SAMHD1: variants seen among roughly 807,000 people sequenced by gnomAD.
SAMHD1 encodes the protein deoxynucleoside triphosphate triphosphohydrolase SAMHD1.
In SAMHD1, 54 loss-of-function variants were observed where a neutral mutation model predicts 79.6. The observed-to-expected ratio is 0.68, with a 90% CI of 0.55 to 0.85. SAMHD1 has a LOEUF of 0.85. Ranked by LOEUF, SAMHD1 falls within the 40% of genes least tolerant of loss-of-function variation. The pLI is 0.00. For missense variants in SAMHD1, 663 were observed against 782.7 expected (o/e 0.85, Z 1.82); for synonymous variants, 260 against 264.1 (o/e 0.98, Z 0.15).
chr20:36,950,595 G>C (rs1179449175), intron 1 of SAMHD1, among the ~76,000 whole-genome samples: 1 of 152,164 alleles, frequency 6.6e-6, no homozygotes, highest in Admixed American at 6.6e-5. Context: ...GCTTGGATAC[G>C]AATCAGTAAA....
Position 36,916,757 on chromosome 20 carries a change from C to T in SAMHD1, c.1027G>A (p.Val343Ile), listed in dbSNP as rs1375786065. Residue 343 changes from valine (V) to isoleucine (I), a missense_variant, in exon 9 of 16, where the codon GTA becomes ATA. Transcript: ENST00000646673. ...RFIKFARVCE[V>I]DNELRICARD... ...GCACAAATACGCAACTCATTGTCTA[C>T]TTCACAGACACGGGCAAACTTAATA... 4 of 1,613,898 alleles carry T rather than the reference C, an allele frequency of 2.5e-6. No individual in the cohort carries two copies. Among genetic ancestry groups the T allele is most frequent in the East Asian group, 2.2e-5 (1 of 44,870 alleles).
intron 5 of SAMHD1, among the ~76,000 whole-genome samples, chr20:36,927,703 C>G (rs1381882481): frequency 6.6e-6 from 1 of 152,062 alleles, no homozygotes; most frequent in East Asian, 1.9e-4. Flanking sequence ...AGGGACAAAC[C>G]CTTTCTTCCT....
intron 13 of SAMHD1, among the ~76,000 whole-genome samples, chr20:36,902,305 C>G (rs1170459452): frequency 2.0e-5 from 3 of 152,088 alleles, no homozygotes; most frequent in Non-Finnish European, 4.4e-5. Context: ...CCTCAGCCTC[C>G]TTGAGTAGCT....
rs1336922216 is a variant in SAMHD1, at chr20:36,904,529, C to T, written c.1411-280G>A. 3.9e-5 allele frequency: 15 copies of T among 381,814 alleles called. No individual in the cohort carries two copies. In the East Asian group the frequency reaches 4.9e-4, roughly 13 times the overall value. 23.7% of individuals were successfully genotyped at this position (381,814 alleles called of 1,614,324 possible). On this transcript the variant is annotated intron_variant, in intron 12 of 15. Coordinates refer to ENST00000646673, the MANE Select transcript of SAMHD1 (RefSeq NM_015474.4). ...GTCGGGAGTTCGAGACCAGCCTGAC[C>T]GACATGGTGAAACCCCGTCTCTACT...
chr20:36,914,507 C>T (rs1397234207), intron 9 of SAMHD1, among the ~76,000 whole-genome samples: 3 of 151,810 alleles, frequency 2.0e-5, no homozygotes, highest in Admixed American at 6.6e-5. Flanking sequence ...CTCGCCACTG[C>T]GCCCAGCTAA....
intron 11 of SAMHD1, among the ~76,000 whole-genome samples, chr20:36,908,564 C>T (rs891317344): frequency 2.0e-5 from 3 of 152,118 alleles, no homozygotes; most frequent in African/African-American, 7.2e-5. Context: ...ATTGAATTTA[C>T]TGAAAGGTGT....
At chr20:36,938,026 TTTTTCTATTG>T (rs1442524123) in intron 3 of SAMHD1, among the ~76,000 whole-genome samples, 2 of 151,964 alleles carry the variant, frequency 1.3e-5, no homozygotes, top group Non-Finnish European at 2.9e-5. Context: ...ACCCAGCTAA[TTTTTCTATTG>T]TTTTCTATTG....
chr20:36,920,948 T>C (rs2146120883), intron 6 of SAMHD1, among the ~76,000 whole-genome samples: 1 of 151,212 alleles, frequency 6.6e-6, no homozygotes, highest in East Asian at 1.9e-4. Flanking sequence ...TGGCTGGGTA[T>C]AGTGACATGC....
intron 4 of SAMHD1, 42 bp from the exon 5 acceptor site, chr20:36,930,917 GA>G: frequency 1.5e-6 from 2 of 1,355,050 alleles, no homozygotes; most frequent in Non-Finnish European, 2.1e-6. Context: ...CTGTTTGCAA[GA>G]GGAGTGATAG....
intron 6 of SAMHD1, chr20:36,926,881 G>A (rs2063539689): frequency 3.3e-6 from 1 of 307,324 alleles, no homozygotes; most frequent in Non-Finnish European, 6.1e-6. Context: ...TATTAAACTG[G>A]CAACTGGTTT....
At chr20:36,911,360 GT>G (rs2063439336) in intron 10 of SAMHD1, 27 bp from the exon 11 acceptor site, 3 of 1,422,106 alleles carry the variant, frequency 2.1e-6, no homozygotes, top group South Asian at 1.1e-5. Flanking sequence ...AAAAATTTAT[GT>G]TTATGAGAAA....
intron 2 of SAMHD1, among the ~76,000 whole-genome samples, chr20:36,945,820 AGAATG>A (rs1209625720): frequency 2.0e-5 from 3 of 152,038 alleles, no homozygotes; most frequent in African/African-American, 7.2e-5. Context: ...CTGAGGCAGG[AGAATG>A]GCTTGAACCC....
At chr20:36,903,971 A>G in intron 13 of SAMHD1, 186 bp downstream of exon 13, 2 of 570,224 alleles carry the variant, frequency 3.5e-6, no homozygotes, top group Non-Finnish European at 6.3e-6. Context: ...AATTATATTA[A>G]AAATAATGGC....
chr20:36,915,721 T>C (rs957396651), intron 9 of SAMHD1, among the ~76,000 whole-genome samples: 1 of 139,180 alleles, frequency 7.2e-6, no homozygotes, highest in Non-Finnish European at 1.6e-5. Flanking sequence ...TAGGCAACAG[T>C]GGGAGACTCC....
chr20:36,951,689 G>C lies in SAMHD1; in HGVS notation c.-46C>G. On this transcript the variant is annotated 5_prime_UTR_variant, in exon 1 of 16. Transcript: ENST00000646673. ...ACAGCAGTCAAGAACCTCGGCGCCG[G>C]ACCCGCGCGCAGGCGCACTGACAGC... 2.5e-6 allele frequency: 4 copies of C among 1,609,642 alleles called. No individual in the cohort carries two copies. Among genetic ancestry groups the C allele is most frequent in the Non-Finnish European group, 3.4e-6 (4 of 1,179,820 alleles).
At chr20:36,902,954 G>T (rs745796400) in intron 13 of SAMHD1, among the ~76,000 whole-genome samples, 2 of 151,952 alleles carry the variant, frequency 1.3e-5, no homozygotes, top group Non-Finnish European at 2.9e-5. Context: ...GGGCAGGATG[G>T]TCTCAACCTC....
chr20:36,911,360 G>T, intron 10 of SAMHD1, 27 bp from the exon 11 acceptor site: 1 of 1,422,216 alleles, frequency 7.0e-7, no homozygotes, highest in Non-Finnish European at 9.9e-7. Context: ...AAAAATTTAT[G>T]TTTATGAGAA....
At chr20:36,894,412 T>G (rs1371695928) in intron 15 of SAMHD1, among the ~76,000 whole-genome samples, 2 of 151,358 alleles carry the variant, frequency 1.3e-5, no homozygotes, top group East Asian at 3.9e-4. Flanking sequence ...TTTGTATTTT[T>G]AGTAGAGATG....
Position 36,927,201 on chromosome 20 carries a change from C to T in SAMHD1, c.677G>A (p.Arg226His), listed in dbSNP as rs369489315. The change falls in exon 6 of 16, where the codon CGC becomes CAC. Residue 226 changes from arginine (R) to histidine (H), a missense_variant. Physicochemically the swap from Arg to His is conservative, Grantham distance 29. Coordinates refer to ENST00000646673, the MANE Select transcript of SAMHD1 (RefSeq NM_015474.4). ...ACATACCGTCCATTTCACCTCCGGG[C>T]GAGCAAGTGGAATAAATCGTCCATC... ...MFDGRFIPLA[R>H]PEVKWTHEQG... 6 of 1,613,530 alleles carry T rather than the reference C, an allele frequency of 3.7e-6. No homozygotes were observed. The highest frequency in any genetic ancestry group is 1.3e-5 in the African/African-American group (1 of 74,912).
Sources: allele counts gnomAD v4.1 joint callset (sites outside exome capture counted in the v4.1 genomes callset), GRCh38; gene constraint gnomAD v4.1.1; transcripts MANE v1.5; gene names NCBI Gene and HGNC (gene_info 2026-07-23, HGNC 2026-07-21).